The following CIITA variants were observed in gnomAD, a reference collection of about 807,000 sequenced individuals.
The protein encoded by CIITA is MHC class II transactivator.
A neutral mutation model predicts 115.1 loss-of-function variants in CIITA; 72 were observed. The ratio of observed to expected loss-of-function variants is 0.63; its 90% CI spans 0.52 to 0.76. The LOEUF is 0.76. CIITA is among the 30% of genes least tolerant of loss of function. The probability of loss-of-function intolerance (pLI) is 0.00; values close to 1 mark genes in which losing one functional copy is unlikely to be tolerated. For missense variants in CIITA, 1,617 were observed against 1,463.8 expected (o/e 1.10, Z -1.71); for synonymous variants, 763 against 635.6 (o/e 1.20, Z -3.02).
chr16:10,897,807 CATT>C (rs2038287172), intron 3 of CIITA, among the ~76,000 whole-genome samples: 1 of 152,178 alleles, frequency 6.6e-6, no homozygotes, highest in African/African-American at 2.4e-5. Context: ...TTATCACCAT[CATT>C]ATTATCATCT....
chr16:10,872,692 G>A (rs1198498122), upstream of CIITA, among the ~76,000 whole-genome samples: 2 of 152,134 alleles, frequency 1.3e-5, no homozygotes, highest in African/African-American at 4.8e-5. Flanking sequence ...CATAGCAGTT[G>A]TATTCTACTC....
chr16:10,866,572 G>A, intron 1 of CIITA: 1 of 534,694 alleles, frequency 1.9e-6, no homozygotes, highest in Non-Finnish European at 3.7e-6. Context: ...TGACCATGGT[G>A]GTAAGTTGGC....
At position 10,903,741 on chromosome 16, in the gene CIITA, C is replaced by A; in HGVS notation, c.783C>A (p.Pro261=). The change falls in exon 9 of 20, where the codon CCC becomes CCA. Residue 261 remains proline, a synonymous_variant. Transcript: ENST00000324288. ...CCACCCCCAATGTAGGTGAGGTGCC[C>A]CAGGCCAGCCAAGTACCCCCTCCCA... ...SSIFIYHGEV[P]QASQVPPPSG... 1 of 1,614,136 alleles carries A rather than the reference C, an allele frequency of 6.2e-7. No individual in the cohort carries two copies. Among genetic ancestry groups the A allele is most frequent in the Non-Finnish European group, 8.5e-7 (1 of 1,180,036 alleles).
intron 13 of CIITA, 33 bp downstream of exon 13, chr16:10,910,292 G>C (rs1343589915): frequency 3.8e-6 from 6 of 1,588,884 alleles, no homozygotes; most frequent in Admixed American, 3.4e-5. Context: ...TTGTGGGTCT[G>C]CGCAAGGTTT....
At chr16:10,915,009 G>T (rs939432237) in intron 13 of CIITA, 12 of 454,936 alleles carry the variant, frequency 2.6e-5, no homozygotes, top group Non-Finnish European at 4.9e-5. Flanking sequence ...AAGCTGGGGA[G>T]CCCCAAGATG....
rs2040416171 is a variant in CIITA, at chr16:10,923,976, CACCCGG to C, written c.*122_*127del. On this transcript the variant is annotated 3_prime_UTR_variant, in exon 20 of 20. Transcript: ENST00000324288. This position sits in a 1 kb window ranked among gnomAD's most constrained non-coding sequence, Gnocchi z 5.2. ...TATCCCATGAGCCTCAGCATCCTGG[CACCCGG>C]CCCCTGCTGGTTCAGGGTTGGCCCC... is the stretch of plus-strand genomic sequence containing the variant. 1 of 153,158 alleles carries C rather than the reference CACCCGG, an allele frequency of 6.5e-6. No individual in the cohort carries two copies. Among genetic ancestry groups the C allele is most frequent in the Non-Finnish European group, 1.5e-5 (1 of 68,454 alleles). The allele number at this position is 153,158 out of a possible 1,614,324, so 9.5% of individuals were successfully genotyped here. A position where few individuals can be genotyped will look rare whatever the true frequency, so the allele number is the denominator to read the frequency against.
rs886051637 is a variant in CIITA at position 10,902,047 on chromosome 16, C to A, written c.491C>A (p.Pro164His). ...DLKHWKPAEPPTVVTGSLLVG... is the reference protein window; with the variant it reads ...DLKHWKPAEPHTVVTGSLLVG... ...GCCCACTTCCTCACAGCTGAGCCCC[C>A]CACTGTGGTGACTGGCAGTCTCCTA... Residue 164 changes from proline to histidine, a missense_variant, in exon 7 of 20, where the codon CCC becomes CAC. By Grantham distance (77) the Pro-to-His change is moderately conservative. Transcript: ENST00000324288. The A allele has an allele frequency of 1.2e-6, 2 of 1,614,004 alleles. No individual in the cohort carries two copies. The highest frequency in any genetic ancestry group is 3.3e-4 in the Middle Eastern group (2 of 6,076).
chr16:10,901,815 C>T lies in CIITA; in HGVS notation c.482-223C>T. 1.4e-6 allele frequency: 1 copy of T among 720,844 alleles called. No homozygotes were observed. Among genetic ancestry groups the T allele is most frequent in the Non-Finnish European group, 2.3e-6 (1 of 425,834 alleles). The allele number at this position is 720,844 out of a possible 1,614,324, so 44.7% of individuals were successfully genotyped here. Reference sequence around the variant, plus strand: ...TGCCCCAGCTCTCCGTGTGGAGGCCCTAGGGTCCTGCTCAGCATAGCTCTC... The same window carrying T: ...TGCCCCAGCTCTCCGTGTGGAGGCCTTAGGGTCCTGCTCAGCATAGCTCTC... On this transcript the variant is annotated intron_variant, in intron 6 of 19. Coordinates refer to ENST00000324288, the MANE Select transcript of CIITA (RefSeq NM_000246.4). The surrounding 1 kb of genome is among the most constrained non-coding windows in gnomAD (Gnocchi z 6.8).
At chr16:10,878,295 G>A (rs2036041284) in intron 1 of CIITA, among the ~76,000 whole-genome samples, 1 of 152,200 alleles carries the variant, frequency 6.6e-6, no homozygotes, top group African/African-American at 2.4e-5. Context: ...CTACGGGAAA[G>A]TGTTGGAGGG....
chr16:10,899,951 C>T (rs1376246837), intron 5 of CIITA, among the ~76,000 whole-genome samples: 1 of 151,998 alleles, frequency 6.6e-6, no homozygotes, highest in Non-Finnish European at 1.5e-5. Flanking sequence ...TGTGGTGGTG[C>T]ACGCCTGTAA....
chr16:10,918,381 G>T, intron 15 of CIITA, 59 bp from the exon 16 acceptor site: 1 of 1,439,110 alleles, frequency 6.9e-7, no homozygotes, highest in South Asian at 1.1e-5. Flanking sequence ...CTCTCCTTGA[G>T]GTCAAAGTGA....
chr16:10,901,583 T>C lies in CIITA; in HGVS notation c.481+25T>C, dbSNP rs751411095. ...GGTGTGCAGGGCAGGTGGGCTGGGG[T>C]TGGGAAGGGTGGATGCCTTGGGGAG... is the stretch of plus-strand genomic sequence containing the variant. On this transcript the variant is annotated intron_variant, in intron 6 of 19. Coordinates refer to ENST00000324288, the MANE Select transcript of CIITA (RefSeq NM_000246.4). The surrounding 1 kb of genome is among the most constrained non-coding windows in gnomAD (Gnocchi z 6.8). 3 of 1,612,170 alleles carry C rather than the reference T, an allele frequency of 1.9e-6. No homozygotes were observed. The highest frequency in any genetic ancestry group is 1.3e-5 in the African/African-American group (1 of 74,698).
At position 10,915,615 on chromosome 16, in the gene CIITA, G is replaced by C; in HGVS notation, c.2934G>C (p.Arg978=). The part of the protein sequence containing the change: ...SGPQAFPKLV[R]ILTAFSSLQH... ...CCCAGGCTTTCCCCAAACTGGTGCG[G>C]ATCCTCACGGCCTTTTCCTCCCTGC... Residue 978 remains arginine (R), a synonymous_variant, in exon 14 of 20, where the codon CGG becomes CGC. Coordinates refer to ENST00000324288, the MANE Select transcript of CIITA (RefSeq NM_000246.4). 1 of 1,614,150 alleles carries C rather than the reference G, an allele frequency of 6.2e-7. No homozygotes were observed. The highest frequency in any genetic ancestry group is 8.5e-7 in the Non-Finnish European group (1 of 1,180,014).
chr16:10,938,283 T>C (rs995905167), downstream of CIITA: 1 of 151,710 alleles, frequency 6.6e-6, no homozygotes, highest in Non-Finnish European at 1.5e-5. This position sits in a 1 kb window ranked among gnomAD's most constrained non-coding sequence, Gnocchi z 4.9. Context: ...GGGCCCTGGC[T>C]CTTAACCATG....
At chr16:10,912,842 C>T (rs1481811305) in intron 13 of CIITA, among the ~76,000 whole-genome samples, 5 of 152,188 alleles carry the variant, frequency 3.3e-5, no homozygotes, top group Non-Finnish European at 7.4e-5. Flanking sequence ...AGACCGGAAG[C>T]CCCCGAGGAG....
chr16:10,941,626 C>G lies in CIITA; in HGVS notation n.752C>G. ...GGGAACCATCCCCGTCCAGATGGTG[C>G]CCCCAACCAGCTGCGGCGGCATGAT... On this transcript the variant is annotated non_coding_transcript_exon_variant, in exon 2 of 2. Transcript: ENST00000573379. This position sits in a 1 kb window ranked among gnomAD's most constrained non-coding sequence, Gnocchi z 6.4. The G allele has an allele frequency of 6.6e-7, 1 of 1,518,552 alleles. No homozygotes were observed. 94.1% of individuals were successfully genotyped at this position (1,518,552 alleles called of 1,614,324 possible). A position where few individuals can be genotyped will look rare whatever the true frequency, so the allele number is the denominator to read the frequency against.
Position 10,910,249 on chromosome 16 carries a change from C to A in CIITA, c.2878C>A (p.Leu960Met). The change falls in exon 13 of 20, where the codon CTG (leucine) becomes ATG (methionine). Residue 960 changes from leucine (L) to methionine (M), a missense_variant. Transcript: ENST00000324288. ...CCCTGCTGTTCGGGACCTAAAGAAA[C>A]TGGAGTTTGCGTAAGCAAAGGGGTG... ...ELPAVRDLKK[L>M]EFALGPVSGP... 1 of 1,614,004 alleles carries A rather than the reference C, an allele frequency of 6.2e-7. No homozygotes were observed. The highest frequency in any genetic ancestry group is 8.5e-7 in the Non-Finnish European group (1 of 1,179,948).
At chr16:10,869,295 C>T (rs766968723) in intron 1 of CIITA, among the ~76,000 whole-genome samples, 4 of 152,218 alleles carry the variant, frequency 2.6e-5, no homozygotes, top group Non-Finnish European at 5.9e-5. Flanking sequence ...CATGTTGGCA[C>T]CCTCGCTGTT....
At chr16:10,875,760 T>A (rs1387042871), upstream of CIITA, among the ~76,000 whole-genome samples, 1 of 152,096 alleles carries the variant, frequency 6.6e-6, no homozygotes, top group Non-Finnish European at 1.5e-5. Context: ...AGCCTCCAAC[T>A]CCTGGGCACA....
Sources: allele counts gnomAD v4.1 joint callset (sites outside exome capture counted in the v4.1 genomes callset), GRCh38; gene constraint gnomAD v4.1.1; non-coding constraint Gnocchi (gnomAD v3.1); transcripts MANE v1.5; gene names NCBI Gene and HGNC (gene_info 2026-07-23, HGNC 2026-07-21).